The following SORCS3 variants were observed in gnomAD, a reference collection of about 807,000 sequenced individuals.
SORCS3 encodes the protein sortilin related VPS10 domain containing receptor 3.
SORCS3 carries 57 observed loss-of-function variants against 146.3 expected under a neutral mutation model. That is an observed-to-expected ratio of 0.39 (90% CI 0.31 to 0.49). The LOEUF is 0.49. Among genes scored for constraint, SORCS3 ranks in the 20% least tolerant of loss-of-function variants. The pLI is 0.92. For synonymous variants in SORCS3, 653 were observed against 618.5 expected, an observed-to-expected ratio of 1.06 and a Z score of -0.83; for missense variants, 1,341 against 1,575.5, an observed-to-expected ratio of 0.85 and a Z score of 2.52.
intron 3 of SORCS3, among the ~76,000 whole-genome samples, chr10:104,939,197 A>G (rs917118287): frequency 6.6e-6 from 1 of 152,166 alleles, no homozygotes; most frequent in African/African-American, 2.4e-5. Flanking sequence ...GGAGACATTT[A>G]TGGTGGAATT....
chr10:104,895,091 GA>G (rs1307878856), intron 2 of SORCS3, among the ~76,000 whole-genome samples: 1 of 152,220 alleles, frequency 6.6e-6, no homozygotes, highest in Non-Finnish European at 1.5e-5. Flanking sequence ...ACACTCAGGG[GA>G]TGGTGGAGTA....
intron 1 of SORCS3, among the ~76,000 whole-genome samples, chr10:104,749,332 A>G (rs913854987): frequency 6.6e-6 from 1 of 152,060 alleles, no homozygotes; most frequent in Admixed American, 6.6e-5. Flanking sequence ...GAACCAGACC[A>G]AGGAATGCTT....
Position 105,245,632 on chromosome 10 carries a change from C to T in SORCS3, c.2959C>T (p.Leu987Phe), listed in dbSNP as rs1189030755. 2 of 1,613,944 alleles carry T rather than the reference C, an allele frequency of 1.2e-6. No homozygotes were observed. The highest frequency in any genetic ancestry group is 1.7e-5 in the Admixed American group (1 of 59,978). ...ITVQVAAGNALIQDTKEIAVH... is the reference protein window; with the variant it reads ...ITVQVAAGNAFIQDTKEIAVH... ...AGTCCAGGTGGCTGCTGGGAATGCC[C>T]TCATCCAGGACACAAAAGAGATTGC... The change falls in exon 21 of 27, where the codon CTC becomes TTC. Residue 987 changes from leucine (L) to phenylalanine (F), a missense_variant. Physicochemically the swap from Leu to Phe is conservative, Grantham distance 22. Coordinates refer to ENST00000369701, the MANE Select transcript of SORCS3 (RefSeq NM_014978.3).
At chr10:105,242,914 TAA>T (rs1491111131) in intron 20 of SORCS3, among the ~76,000 whole-genome samples, 2 of 64,856 alleles carry the variant, frequency 3.1e-5, no homozygotes, top group Non-Finnish European at 5.1e-5. Flanking sequence ...ATTATATATA[TAA>T]TATATATGAT....
intron 20 of SORCS3, among the ~76,000 whole-genome samples, chr10:105,233,088 C>CT (rs1029836101): frequency 1.3e-5 from 2 of 150,728 alleles, no homozygotes; most frequent in Non-Finnish European, 3.0e-5. Flanking sequence ...GATTTTATTT[C>CT]TTTTTTTGTA....
intron 2 of SORCS3, among the ~76,000 whole-genome samples, chr10:104,855,731 A>G (rs78437311): frequency 1.4e-3 from 202 of 149,162 alleles, no homozygotes; most frequent in African/African-American, 3.1e-3. Flanking sequence ...GTGTGTGTGT[A>G]TGTGTGTGTG....
chr10:104,957,014 A>G (rs962907446), intron 3 of SORCS3, among the ~76,000 whole-genome samples: 1 of 152,110 alleles, frequency 6.6e-6, no homozygotes, highest in Non-Finnish European at 1.5e-5. Flanking sequence ...AATATTCTCA[A>G]TTATCTCTTG....
chr10:105,064,465 C>T lies in SORCS3; in HGVS notation c.1028+21337C>T, dbSNP rs186257417. Among the ~76,000 whole-genome samples, 43 of 152,218 alleles carry T rather than the reference C, an allele frequency of 2.8e-4. No homozygotes were observed. The East Asian group carries it at 7.9e-3, about 28-fold the overall frequency. ...GCAATTATAGAGGTTGAAAGGTACC[C>T]CAATAGGTCTTCTGTAAGCTGGAGA... On this transcript the variant is annotated intron_variant, in intron 5 of 26. Coordinates refer to ENST00000369701, the MANE Select transcript of SORCS3 (RefSeq NM_014978.3).
intron 20 of SORCS3, among the ~76,000 whole-genome samples, chr10:105,233,064 A>G (rs2056773953): frequency 6.6e-6 from 1 of 152,048 alleles, no homozygotes; most frequent in South Asian, 2.1e-4. Context: ...ATTAAAATCA[A>G]CTATGTCCTT....
At chr10:105,004,289 T>C (rs1997063) in intron 4 of SORCS3, among the ~76,000 whole-genome samples, 36,132 of 152,058 alleles carry the variant, frequency 0.24, 4,893 homozygotes, top group African/African-American at 0.36. Flanking sequence ...GGCTGGAATT[T>C]CAGTAAGAAC....
chr10:105,022,508 G>T, intron 4 of SORCS3, among the ~76,000 whole-genome samples: 1 of 151,626 alleles, frequency 6.6e-6, no homozygotes, highest in African/African-American at 2.4e-5. Flanking sequence ...TTACTATGAT[G>T]GCCAGGCTGG....
intron 8 of SORCS3, among the ~76,000 whole-genome samples, chr10:105,145,347 A>G (rs983901453): frequency 6.2e-4 from 94 of 152,210 alleles, no homozygotes; most frequent in African/African-American, 2.2e-3. Flanking sequence ...CCAGAGAGCA[A>G]TCTTACTCCA....
intron 5 of SORCS3, among the ~76,000 whole-genome samples, chr10:105,057,983 G>A (rs2055457184): frequency 6.6e-6 from 1 of 152,180 alleles, no homozygotes; most frequent in African/African-American, 2.4e-5. Context: ...CTGGATGATG[G>A]ATTAGGGGCT....
At chr10:104,807,373 T>G (rs1205644234) in intron 1 of SORCS3, among the ~76,000 whole-genome samples, 1 of 152,238 alleles carries the variant, frequency 6.6e-6, no homozygotes, top group Non-Finnish European at 1.5e-5. Context: ...AGATATGAAG[T>G]GGAAATTTTT....
intron 20 of SORCS3, among the ~76,000 whole-genome samples, chr10:105,242,421 T>A (rs2056831243): frequency 1.1e-5 from 1 of 89,392 alleles, no homozygotes; most frequent in Non-Finnish European, 2.0e-5. Flanking sequence ...TATATATATT[T>A]ATATATTTAT....
intron 14 of SORCS3, among the ~76,000 whole-genome samples, chr10:105,181,531 T>G (rs2119569066): frequency 6.6e-6 from 1 of 152,300 alleles, no homozygotes; most frequent in Non-Finnish European, 1.5e-5. Context: ...TGGAGGCCAG[T>G]GCTCCAGGAA....
chr10:104,825,118 C>T (rs1468095115), intron 1 of SORCS3, among the ~76,000 whole-genome samples: 3 of 152,320 alleles, frequency 2.0e-5, no homozygotes, highest in African/African-American at 7.2e-5. Flanking sequence ...TTCAAGTTGT[C>T]ACCACTAAAG....
At chr10:105,095,225 C>T (rs56704540) in intron 6 of SORCS3, among the ~76,000 whole-genome samples, 4,218 of 152,236 alleles carry the variant, frequency 0.028, 119 homozygotes, top group East Asian at 0.16. Context: ...AGCTTTTGCT[C>T]TGTTTCCCTG....
intron 8 of SORCS3, 72 bp downstream of exon 8, chr10:105,139,558 G>C (rs1456067054): frequency 6.7e-6 from 8 of 1,200,968 alleles, no homozygotes; most frequent in Non-Finnish European, 9.9e-6. Flanking sequence ...GCTTTGTTGG[G>C]CTACTGGGAG....
Sources: allele counts gnomAD v4.1 joint callset (sites outside exome capture counted in the v4.1 genomes callset), GRCh38; gene constraint gnomAD v4.1.1; transcripts MANE v1.5; gene names NCBI Gene and HGNC (gene_info 2026-07-23, HGNC 2026-07-21).